The following UBE2D3 variants were observed in gnomAD, a reference collection of about 807,000 sequenced individuals.
UBE2D3 encodes the protein ubiquitin conjugating enzyme E2 D3.
A neutral mutation model predicts 22.8 loss-of-function variants in UBE2D3; 2 were observed. The observed-to-expected ratio is 0.09, with a 90% CI of 0.04 to 0.28. UBE2D3 has a LOEUF of 0.28. UBE2D3 is among the 10% of genes least tolerant of loss of function. UBE2D3 has a pLI of 1.00. For missense variants in UBE2D3, 27 were observed against 182.5 expected (o/e 0.15, Z 4.91); for synonymous variants, 56 against 60.4 (o/e 0.93, Z 0.34).
chr4:102,811,981 G>A (rs1728118031), intron 2 of UBE2D3: 1 of 182,664 alleles, frequency 5.5e-6, no homozygotes, highest in Non-Finnish European at 1.2e-5. Flanking sequence ...TATAACTACA[G>A]GAATTTAAAA....
intron 1 of UBE2D3, among the ~76,000 whole-genome samples, chr4:102,836,462 C>G (rs992553368): frequency 6.6e-6 from 1 of 152,016 alleles, no homozygotes; most frequent in African/African-American, 2.4e-5. Flanking sequence ...CAATTTTTGT[C>G]TTATTACAAA....
At chr4:102,828,197 C>G (rs1201660892), upstream of UBE2D3, 1 of 985,254 alleles carries the variant, frequency 1.0e-6, no homozygotes, top group Non-Finnish European at 1.2e-6. Context: ...TAAGAGCGCG[C>G]GCAGACACAG....
rs752004260 is a variant in UBE2D3 at position 102,797,369 on chromosome 4, A to G, written c.*46T>C. On this transcript the variant is annotated 3_prime_UTR_variant, in exon 8 of 8. Coordinates refer to ENST00000453744, the MANE Select transcript of UBE2D3 (RefSeq NM_181891.3). ...AATCAAAAAAGGAACAGTAATTTAAAGTTTATTCCAGCTATAATGCAGGTT... is the reference window on the plus strand; with the variant it reads ...AATCAAAAAAGGAACAGTAATTTAAGGTTTATTCCAGCTATAATGCAGGTT... 4 of 1,501,846 alleles carry G rather than the reference A, an allele frequency of 2.7e-6. No individual in the cohort carries two copies. The highest frequency in any genetic ancestry group is 2.0e-4 in the Middle Eastern group (1 of 4,962). 93.0% of individuals were successfully genotyped at this position (1,501,846 alleles called of 1,614,324 possible).
At chr4:102,828,254 G>T (rs1167169488), upstream of UBE2D3, 1 of 985,328 alleles carries the variant, frequency 1.0e-6, no homozygotes, top group East Asian at 1.1e-4. Flanking sequence ...GAGGTGCCAA[G>T]GATTAATTAC....
At chr4:102,820,820 A>G (rs1729486769) in intron 2 of UBE2D3, among the ~76,000 whole-genome samples, 1 of 152,194 alleles carries the variant, frequency 6.6e-6, no homozygotes, top group Admixed American at 6.5e-5. Flanking sequence ...TAGCCATGAA[A>G]TTACAGCAAG....
At chr4:102,817,023 G>C (rs150044510) in intron 2 of UBE2D3, among the ~76,000 whole-genome samples, 2 of 152,354 alleles carry the variant, frequency 1.3e-5, no homozygotes, top group South Asian at 2.1e-4. Context: ...TGGGTTTAGA[G>C]GAGTGCCATT....
At chr4:102,822,635 A>G (rs956530610) in intron 2 of UBE2D3, among the ~76,000 whole-genome samples, 1 of 152,220 alleles carries the variant, frequency 6.6e-6, no homozygotes, top group African/African-American at 2.4e-5. Flanking sequence ...CATACATTAT[A>G]AAACAGGAAT....
intron 1 of UBE2D3, among the ~76,000 whole-genome samples, chr4:102,864,159 A>T (rs1733037859): frequency 6.6e-6 from 1 of 152,228 alleles, no homozygotes; most frequent in Admixed American, 6.5e-5. Flanking sequence ...TGTAGGTATT[A>T]CCTACATTTT....
chr4:102,814,894 G>A (rs1728575539), intron 2 of UBE2D3, among the ~76,000 whole-genome samples: 1 of 151,928 alleles, frequency 6.6e-6, no homozygotes, highest in Non-Finnish European at 1.5e-5. Flanking sequence ...GTCTTTGTAA[G>A]CATCTGAATA....
At position 102,809,780 on chromosome 4, in the gene UBE2D3, C is replaced by CA; in HGVS notation, c.88+11dup. On this transcript the variant is annotated intron_variant, in intron 3 of 7. Coordinates refer to ENST00000453744, the MANE Select transcript of UBE2D3 (RefSeq NM_181891.3). ...AAAATTAGGCATAAAAATCAACTTG[C>CA]AAGTTACTTACTATCATCCCCAACT... 1.2e-6 allele frequency: 2 copies of CA among 1,613,736 alleles called. No individual in the cohort carries two copies. The highest frequency in any genetic ancestry group is 1.7e-6 in the Non-Finnish European group (2 of 1,179,960).
At chr4:102,812,088 G>T (rs867412930) in intron 2 of UBE2D3, 41 of 176,574 alleles carry the variant, frequency 2.3e-4, no homozygotes, top group Middle Eastern at 2.5e-3. Flanking sequence ...AGAACTTTCA[G>T]TATAAGCTCT....
At position 102,810,073 on chromosome 4, in the gene UBE2D3, T is replaced by C. The variant is rs1727709643; in HGVS notation, c.25-218A>G. The C allele has an allele frequency of 6.2e-6, 3 of 487,094 alleles. No individual in the cohort carries two copies. In the Middle Eastern group the frequency reaches 1.7e-3, roughly 272 times the overall value. 30.2% of individuals were successfully genotyped at this position (487,094 alleles called of 1,614,324 possible). A position where few individuals can be genotyped will look rare whatever the true frequency, so the allele number is the denominator to read the frequency against. On this transcript the variant is annotated intron_variant, in intron 2 of 7. Coordinates refer to ENST00000453744, the MANE Select transcript of UBE2D3 (RefSeq NM_181891.3). ...CGTAAAAATATATATGCAAACACAT[T>C]GATACAAAATTTTTTATTTACATAA...
At chr4:102,854,360 C>G (rs1202653691) in intron 1 of UBE2D3, among the ~76,000 whole-genome samples, 1 of 151,870 alleles carries the variant, frequency 6.6e-6, no homozygotes, top group Non-Finnish European at 1.5e-5. Context: ...TACTACAGTT[C>G]AATTTTTACT....
intron 4 of UBE2D3, among the ~76,000 whole-genome samples, chr4:102,808,584 C>T (rs966132650): frequency 8.5e-5 from 13 of 152,128 alleles, no homozygotes; most frequent in African/African-American, 2.4e-4. Flanking sequence ...ATCCTCCCTG[C>T]TTCAATTTCC....
At chr4:102,860,979 T>C (rs998497855) in intron 1 of UBE2D3, among the ~76,000 whole-genome samples, 1 of 151,988 alleles carries the variant, frequency 6.6e-6, no homozygotes, top group African/African-American at 2.4e-5. Flanking sequence ...TGTTGGTTGC[T>C]ATAAGCCTCT....
intron 2 of UBE2D3, among the ~76,000 whole-genome samples, chr4:102,815,497 C>G (rs1434544994): frequency 6.6e-6 from 1 of 152,124 alleles, no homozygotes; most frequent in African/African-American, 2.4e-5. Flanking sequence ...AAACACCATA[C>G]TACTTCAACA....
At chr4:102,828,218 C>G (rs187407824), upstream of UBE2D3, 1 of 985,372 alleles carries the variant, frequency 1.0e-6, no homozygotes, top group Non-Finnish European at 1.2e-6. Context: ...CCTTGTCTCA[C>G]GCGCCCAATC....
At chr4:102,827,577 T>C (rs1730783683), upstream of UBE2D3, 17 of 986,382 alleles carry the variant, frequency 1.7e-5, no homozygotes, top group Non-Finnish European at 2.0e-5. Context: ...GCTCCGCCCC[T>C]CCCCCTCCTC....
At chr4:102,812,750 C>T (rs913973650) in intron 2 of UBE2D3, 1 of 152,068 alleles carries the variant, frequency 6.6e-6, no homozygotes, top group South Asian at 2.1e-4. Flanking sequence ...TTTCGAGAAA[C>T]ACTGAAAAAG....
Sources: allele counts gnomAD v4.1 joint callset (sites outside exome capture counted in the v4.1 genomes callset), GRCh38; gene constraint gnomAD v4.1.1; transcripts MANE v1.5; gene names NCBI Gene and HGNC (gene_info 2026-07-23, HGNC 2026-07-21).